SYTL5: variants seen among roughly 807,000 people sequenced by gnomAD.
SYTL5 encodes the protein synaptotagmin-like protein 5.
SYTL5 carries 34 observed loss-of-function variants against 55.9 expected under a neutral mutation model. That is an observed-to-expected ratio of 0.61 (90% CI 0.46 to 0.81). The LOEUF is 0.81. SYTL5 is among the 30% of genes least tolerant of loss of function. SYTL5 has a pLI of 0.00. For missense variants in SYTL5, 637 were observed against 546.7 expected (o/e 1.17, Z -1.65); for synonymous variants, 221 against 188.7 (o/e 1.17, Z -1.40).
chrX:38,053,103 T>C (rs1304748817), intron 2 of SYTL5, among the ~76,000 whole-genome samples: 1 of 112,474 alleles, frequency 8.9e-6, no homozygotes, highest in Non-Finnish European at 1.9e-5. Flanking sequence ...TCCAAAGCTG[T>C]GCTTCTCCAA....
At chrX:38,113,398 C>G (rs1372541033) in intron 13 of SYTL5, among the ~76,000 whole-genome samples, 1 of 111,953 alleles carries the variant, frequency 8.9e-6, no homozygotes, top group African/African-American at 3.3e-5. Context: ...GGAATTATAC[C>G]TAGATTAAAG....
the SYTL5 span, among the ~76,000 whole-genome samples, chrX:37,944,399 T>C: frequency 9.0e-6 from 1 of 111,634 alleles, no homozygotes; most frequent in Non-Finnish European, 1.9e-5. Context: ...TAATTGATAA[T>C]ATACTTAAAG....
At position 38,047,828 on chromosome X, in the gene SYTL5, C is replaced by T. The variant is rs761540406; in HGVS notation, c.120-6385C>T. Reference sequence around the variant, plus strand: ...TTCCCCCAGATACTGTAAATCATCTCTCTCAAGTTCAAAATTCCACACATC... The same window carrying T: ...TTCCCCCAGATACTGTAAATCATCTTTCTCAAGTTCAAAATTCCACACATC... On this transcript the variant is annotated intron_variant, in intron 2 of 16. Transcript: ENST00000297875. Among the ~76,000 whole-genome samples the T allele has an allele frequency of 2.2e-4, 25 of 111,531 alleles. No homozygotes were observed. The East Asian group carries it at 6.7e-3, about 30-fold the overall frequency.
At chrX:37,940,849 G>A in the SYTL5 span, among the ~76,000 whole-genome samples, 14 of 110,976 alleles carry the variant, frequency 1.3e-4, no homozygotes, top group African/African-American at 4.6e-4. Context: ...TTAGAACCCA[G>A]TAGAGGGTAA....
the SYTL5 span, among the ~76,000 whole-genome samples, chrX:37,943,313 C>G: frequency 9.0e-6 from 1 of 111,683 alleles, no homozygotes; most frequent in South Asian, 3.8e-4. Flanking sequence ...AGGACTCTTG[C>G]TAAAGATGGT....
chrX:38,055,519 C>A (rs746565156), intron 3 of SYTL5, among the ~76,000 whole-genome samples: 1 of 111,996 alleles, frequency 8.9e-6, no homozygotes, highest in African/African-American at 3.2e-5. Context: ...CATCTCAAGG[C>A]AGCTGAGTGT....
intron 9 of SYTL5, among the ~76,000 whole-genome samples, chrX:38,098,500 A>C (rs1265607615): frequency 2.7e-5 from 3 of 110,877 alleles, no homozygotes; most frequent in African/African-American, 6.5e-5. Flanking sequence ...ATGAGATACC[A>C]CTTCACACCC....
the SYTL5 span, among the ~76,000 whole-genome samples, chrX:37,956,080 A>T: frequency 8.9e-6 from 1 of 111,875 alleles, no homozygotes; most frequent in Non-Finnish European, 1.9e-5. Context: ...AAGCTAAACA[A>T]TTATTTAGCA....
At chrX:37,900,345 C>T in the SYTL5 span, among the ~76,000 whole-genome samples, 95 of 111,591 alleles carry the variant, frequency 8.5e-4, no homozygotes, top group African/African-American at 2.7e-3. Context: ...AAATGGGAGA[C>T]AGAAAATAAA....
At chrX:38,077,146 C>G (rs1175351401) in intron 6 of SYTL5, among the ~76,000 whole-genome samples, 1 of 111,384 alleles carries the variant, frequency 9.0e-6, no homozygotes, top group Non-Finnish European at 1.9e-5. Context: ...CTAGTTCCAC[C>G]TCTTCTAACT....
the SYTL5 span, among the ~76,000 whole-genome samples, chrX:37,969,737 A>T: frequency 2.7e-5 from 3 of 110,880 alleles, no homozygotes; most frequent in Admixed American, 9.6e-5. Context: ...GGTTCAAGAG[A>T]TTCTCCAAGC....
At chrX:38,089,911 G>C (rs893975580) in intron 7 of SYTL5, among the ~76,000 whole-genome samples, 9 of 111,597 alleles carry the variant, frequency 8.1e-5, no homozygotes, top group African/African-American at 2.9e-4. Context: ...TTTGGGTAGG[G>C]ACATAGAGCC....
At chrX:37,967,543 C>T in the SYTL5 span, among the ~76,000 whole-genome samples, 1,135 of 109,775 alleles carry the variant, frequency 0.01, 15 homozygotes, top group African/African-American at 0.035. Flanking sequence ...AGATTTTCTG[C>T]GTTCATCTTA....
chrX:38,029,306 C>CA (rs956791809), intron 1 of SYTL5, among the ~76,000 whole-genome samples: 4 of 111,095 alleles, frequency 3.6e-5, no homozygotes, highest in East Asian at 2.8e-4. Flanking sequence ...AACTTTTAGG[C>CA]AAAAAAAAGT....
At chrX:37,971,629 A>C in the SYTL5 span, among the ~76,000 whole-genome samples, 1 of 111,254 alleles carries the variant, frequency 9.0e-6, no homozygotes, top group Non-Finnish European at 1.9e-5. Context: ...GCAGAAAATA[A>C]AATAGAACCC....
At chrX:38,078,449 A>G (rs1936444243) in intron 6 of SYTL5, among the ~76,000 whole-genome samples, 1 of 109,638 alleles carries the variant, frequency 9.1e-6, no homozygotes, top group African/African-American at 3.3e-5. Context: ...TTTAGTAGAG[A>G]CGGAGTTTCA....
the SYTL5 span, chrX:37,946,456 C>T: frequency 4.0e-6 from 1 of 249,511 alleles, no homozygotes; most frequent in Non-Finnish European, 7.6e-6. Context: ...TATGCACATC[C>T]TTTGGAAATT....
the SYTL5 span, among the ~76,000 whole-genome samples, chrX:37,892,697 C>T: frequency 1.2e-5 from 1 of 82,829 alleles, no homozygotes. Flanking sequence ...AGTATATATA[C>T]ATATATTAGT....
chrX:37,936,314 A>G, the SYTL5 span, among the ~76,000 whole-genome samples: 1 of 112,014 alleles, frequency 8.9e-6, no homozygotes, highest in African/African-American at 3.2e-5. Context: ...GAAAAATTAC[A>G]CTATGTTTAG....
Sources: allele counts gnomAD v4.1 joint callset (sites outside exome capture counted in the v4.1 genomes callset), GRCh38; gene constraint gnomAD v4.1.1; transcripts MANE v1.5; gene names NCBI Gene and HGNC (gene_info 2026-07-23, HGNC 2026-07-21).